Variants in MAGEA4 observed in about 807,000 individuals in gnomAD.
The protein encoded by MAGEA4 is MAGE family member A4.
MAGEA4 carries 1 observed loss-of-function variant against 13.7 expected under a neutral mutation model. The observed-to-expected ratio is 0.07, with a 90% CI of 0.03 to 0.35. MAGEA4 has a LOEUF of 0.35. Among genes scored for constraint, MAGEA4 ranks in the 10% least tolerant of loss-of-function variants. MAGEA4 has a pLI of 0.99. For synonymous variants in MAGEA4, 132 were observed against 101.1 expected, an observed-to-expected ratio of 1.31 and a Z score of -1.83; for missense variants, 312 against 245.1, an observed-to-expected ratio of 1.27 and a Z score of -1.82.
rs781034122 is a variant in MAGEA4, at chrX:151,924,207, C to T, written c.543C>T (p.Thr181=). Residue 181 remains threonine (T), a synonymous_variant, in exon 3 of 3, where the codon ACC becomes ACT. Transcript: ENST00000276344. ...CCAGCAACACCTACACCCTTGTCACCTGCCTGGGCCTTTCCTATGATGGCC... is the reference window on the plus strand; with the variant it reads ...CCAGCAACACCTACACCCTTGTCACTTGCCTGGGCCTTTCCTATGATGGCC... The part of the protein sequence containing the change: ...DPASNTYTLV[T]CLGLSYDGLL... 2 of 1,209,448 alleles carry T rather than the reference C, an allele frequency of 1.7e-6. No individual in the cohort carries two copies. The highest frequency in any genetic ancestry group is 1.8e-5 in the South Asian group (1 of 56,582).
Position 151,924,337 on chromosome X carries a change from G to C in MAGEA4, c.673G>C (p.Glu225Gln), listed in dbSNP as rs143158098. ...DSASEEEIWEELGVMGVYDGR... is the reference protein window; with the variant it reads ...DSASEEEIWEQLGVMGVYDGR... ...CGCCTCTGAGGAGGAAATCTGGGAG[G>C]AGCTGGGTGTGATGGGGGTGTATGA... Residue 225 changes from glutamate to glutamine, a missense_variant, in exon 3 of 3, where the codon GAG becomes CAG. Transcript: ENST00000276344. The C allele has an allele frequency of 6.4e-5, 78 of 1,209,596 alleles. No individual in the cohort carries two copies. Among genetic ancestry groups the C allele is most frequent in the Non-Finnish European group, 8.6e-5 (77 of 895,010 alleles).
chrX:151,919,587 C>T (rs1933305451), intron 1 of MAGEA4: 2 of 719,116 alleles, frequency 2.8e-6, no homozygotes, highest in Non-Finnish European at 3.3e-6. Flanking sequence ...CCGCTTTCAA[C>T]CCAAGAAAGC....
chrX:151,924,217 C>G lies in MAGEA4; in HGVS notation c.553C>G (p.Leu185Val), dbSNP rs1486558286. 1 of 1,211,015 alleles carries G rather than the reference C, an allele frequency of 8.3e-7. No homozygotes were observed. The highest frequency in any genetic ancestry group is 1.1e-6 in the Non-Finnish European group (1 of 894,954). Residue 185 changes from leucine (L) to valine (V), a missense_variant, in exon 3 of 3, where the codon CTT becomes GTT. Physicochemically the swap from Leu to Val is conservative, Grantham distance 32. Coordinates refer to ENST00000276344, the MANE Select transcript of MAGEA4 (RefSeq NM_001011548.1). ...CTACACCCTTGTCACCTGCCTGGGC[C>G]TTTCCTATGATGGCCTGCTGGGTAA... ...NTYTLVTCLG[L>V]SYDGLLGNNQ...
At chrX:151,923,208 C>T (rs1933527332) in intron 1 of MAGEA4, among the ~76,000 whole-genome samples, 1 of 111,824 alleles carries the variant, frequency 8.9e-6, no homozygotes, top group Non-Finnish European at 1.9e-5. Flanking sequence ...GATTCCTCTC[C>T]TAGGAGCTCC....
At position 151,923,751 on chromosome X, in the gene MAGEA4, G is replaced by A. The variant is rs150592561; in HGVS notation, c.87G>A (p.Gln29=). ...AGGCCCTGGGCCTGGTGGGTGCACA[G>A]GCTCCTACTACTGAGGAGCAGGAGG... is the stretch of plus-strand genomic sequence containing the variant. The part of the protein sequence containing the change: ...QEEALGLVGA[Q]APTTEEQEAA... The change falls in exon 3 of 3, where the codon CAG becomes CAA. Residue 29 remains glutamine (Q), a synonymous_variant. Coordinates refer to ENST00000276344, the MANE Select transcript of MAGEA4 (RefSeq NM_001011548.1). 24 of 1,208,103 alleles carry A rather than the reference G, an allele frequency of 2.0e-5. No individual in the cohort carries two copies. In the African/African-American group the frequency reaches 4.1e-4, roughly 20 times the overall value.
chrX:151,919,591 A>C (rs1253364670), intron 1 of MAGEA4: 54 of 721,429 alleles, frequency 7.5e-5, no homozygotes, highest in Non-Finnish European at 8.1e-5. Context: ...TTTCAACCCA[A>C]GAAAGCCGCA....
chrX:151,919,635 T>C, intron 1 of MAGEA4: 1 of 751,390 alleles, frequency 1.3e-6, no homozygotes, highest in Non-Finnish European at 1.6e-6. Context: ...ACTTGCGCAT[T>C]GGGGGTTAGA....
chrX:151,920,018 A>C (rs1933344905), intron 1 of MAGEA4, among the ~76,000 whole-genome samples: 1 of 42,454 alleles, frequency 2.4e-5, no homozygotes, highest in African/African-American at 9.9e-5. Flanking sequence ...CCACACTCCC[A>C]ACCCCATCTA....
intron 1 of MAGEA4, chrX:151,919,850 C>T: frequency 1.1e-5 from 6 of 532,844 alleles, no homozygotes; most frequent in Non-Finnish European, 1.1e-5. Flanking sequence ...GCGCCCACCA[C>T]CCCACTGCCT....
chrX:151,917,872 G>A (rs1423390349), intron 1 of MAGEA4, among the ~76,000 whole-genome samples: 1 of 100,370 alleles, frequency 1.0e-5, no homozygotes, highest in Non-Finnish European at 2.0e-5. Flanking sequence ...TAAGACTAGT[G>A]AGGCCAGGCT....
In MAGEA4 at chrX:151,923,467, G is replaced by A. The variant is rs1019930953; in HGVS notation, c.-123G>A. On this transcript the variant is annotated 5_prime_UTR_variant, in exon 2 of 3. Coordinates refer to ENST00000276344, the MANE Select transcript of MAGEA4 (RefSeq NM_001011548.1). ...TCCTCCTTCAGGTTCTGAGCAGACA[G>A]GCCAACCGGAGGACAGGATTCCCTG... 2 of 1,190,336 alleles carry A rather than the reference G, an allele frequency of 1.7e-6. No individual in the cohort carries two copies. The highest frequency in any genetic ancestry group is 1.8e-5 in the African/African-American group (1 of 56,981).
intron 1 of MAGEA4, among the ~76,000 whole-genome samples, chrX:151,922,075 G>A (rs1018999371): frequency 7.2e-5 from 8 of 111,021 alleles, no homozygotes; most frequent in Non-Finnish European, 1.5e-4. Context: ...CTGCATCTTC[G>A]AGGTCACAGA....
chrX:151,919,184 A>T (rs3020977), intron 1 of MAGEA4: 1 of 335,745 alleles, frequency 3.0e-6, no homozygotes, highest in East Asian at 2.4e-4. Flanking sequence ...GTCTGAAGTC[A>T]CATGGGACTC....
At position 151,923,642 on chromosome X, in the gene MAGEA4, C is replaced by T. The variant is rs756031183; in HGVS notation, c.-23C>T. 2 of 1,211,209 alleles carry T rather than the reference C, an allele frequency of 1.7e-6. No homozygotes were observed. Among genetic ancestry groups the T allele is most frequent in the East Asian group, 3.0e-5 (1 of 33,826 alleles). Reference sequence around the variant, plus strand: ...GCCCAGCTTTTGCCTGCACTCTTGCCTGCTGCCCTGACCAGAGTCATCATG... The same window carrying T: ...GCCCAGCTTTTGCCTGCACTCTTGCTTGCTGCCCTGACCAGAGTCATCATG... On this transcript the variant is annotated 5_prime_UTR_variant, in exon 3 of 3. Transcript: ENST00000276344.
In MAGEA4 at chrX:151,924,904, T is replaced by C. The variant is rs887626498; in HGVS notation, c.*286T>C. On this transcript the variant is annotated 3_prime_UTR_variant, in exon 3 of 3. Transcript: ENST00000276344. ...TAGTTAACGTATATTGCTGTTAATA[T>C]AGTTTAGGAGTAAGAGTCTTGTTTT... The C allele has an allele frequency of 3.9e-5, 10 of 259,547 alleles. No individual in the cohort carries two copies. The Middle Eastern group carries it at 3.5e-3, about 92-fold the overall frequency. 21.4% of individuals were successfully genotyped at this position (259,547 alleles called of 1,213,427 possible). A position where few individuals can be genotyped will look rare whatever the true frequency, so the allele number is the denominator to read the frequency against.
intron 1 of MAGEA4, among the ~76,000 whole-genome samples, chrX:151,922,734 G>A (rs1398843495): frequency 9.0e-6 from 1 of 111,599 alleles, no homozygotes; most frequent in East Asian, 2.8e-4. Context: ...GAGAGCATGG[G>A]CTTGGCTTTC....
In MAGEA4 at chrX:151,924,797, A is replaced by C; in HGVS notation, c.*179A>C. ...ATTTTGTTGGATGACTTGGAGATTTATCTCTGTTTCCTTTTACAATTGTTG... is the reference window on the plus strand; with the variant it reads ...ATTTTGTTGGATGACTTGGAGATTTCTCTCTGTTTCCTTTTACAATTGTTG... On this transcript the variant is annotated 3_prime_UTR_variant, in exon 3 of 3. Coordinates refer to ENST00000276344, the MANE Select transcript of MAGEA4 (RefSeq NM_001011548.1). 1 of 427,911 alleles carries C rather than the reference A, an allele frequency of 2.3e-6. No individual in the cohort carries two copies. Among genetic ancestry groups the C allele is most frequent in the Non-Finnish European group, 3.8e-6 (1 of 261,334 alleles). The allele number at this position is 427,911 out of a possible 1,213,427, so 35.3% of individuals were successfully genotyped here.
At chrX:151,920,859 ACT>A (rs1180401735) in intron 1 of MAGEA4, among the ~76,000 whole-genome samples, 1 of 109,763 alleles carries the variant, frequency 9.1e-6, no homozygotes, top group Non-Finnish European at 1.9e-5. Flanking sequence ...GCAAAGTGAG[ACT>A]CTGAGGGAGG....
intron 1 of MAGEA4, among the ~76,000 whole-genome samples, chrX:151,922,613 G>C (rs773162451): frequency 5.4e-5 from 6 of 112,041 alleles, no homozygotes; most frequent in African/African-American, 1.9e-4. Flanking sequence ...AGTGGTCCCA[G>C]GATCTGCCAA....
Sources: gnomAD v4.1 joint callset for allele counts (sites outside exome capture counted in the v4.1 genomes callset) on GRCh38, gnomAD v4.1.1 for gene constraint, MANE v1.5 for transcripts, NCBI Gene and HGNC (gene_info 2026-07-23, HGNC 2026-07-21) for gene names.